Variants in NTN1 observed in about 807,000 individuals in gnomAD.
The protein encoded by NTN1 is netrin 1.
A neutral mutation model predicts 54.2 loss-of-function variants in NTN1; 11 were observed. The observed-to-expected ratio is 0.20, with a 90% CI of 0.13 to 0.34. NTN1 has a LOEUF of 0.34. Among genes scored for constraint, NTN1 ranks in the 10% least tolerant of loss-of-function variants. NTN1 has a pLI of 1.00. For missense variants in NTN1, 740 were observed against 893.1 expected, an observed-to-expected ratio of 0.83 and a Z score of 2.18; for synonymous variants, 371 against 382.0, an observed-to-expected ratio of 0.97 and a Z score of 0.33.
chr17:9,104,411 C>G (rs1050158313), intron 2 of NTN1, among the ~76,000 whole-genome samples: 3 of 152,150 alleles, frequency 2.0e-5, no homozygotes, highest in Admixed American at 2.0e-4. Flanking sequence ...TAGATGATTG[C>G]AGATAATAAC....
At chr17:9,160,548 A>C (rs573758911) in intron 2 of NTN1, among the ~76,000 whole-genome samples, 26 of 152,222 alleles carry the variant, frequency 1.7e-4, no homozygotes, top group Non-Finnish European at 3.2e-4. Context: ...CAACTGAACA[A>C]ATGTTAATGA....
At chr17:9,093,157 T>C (rs2092118694) in intron 2 of NTN1, among the ~76,000 whole-genome samples, 1 of 152,170 alleles carries the variant, frequency 6.6e-6, no homozygotes. Flanking sequence ...CCTCCCAAAG[T>C]GTTGCGATTA....
At chr17:9,056,157 A>G (rs936941650) in intron 2 of NTN1, among the ~76,000 whole-genome samples, 3 of 152,050 alleles carry the variant, frequency 2.0e-5, no homozygotes, top group African/African-American at 7.2e-5. Context: ...CCCGGGTTCA[A>G]GCAATTCTCC....
chr17:9,106,515 TCC>T (rs2092167351), intron 2 of NTN1, among the ~76,000 whole-genome samples: 1 of 83,296 alleles, frequency 1.2e-5, no homozygotes, highest in Non-Finnish European at 2.9e-5. Context: ...CTTCCTTCCT[TCC>T]TTCCTTCCTT....
At chr17:9,023,928 G>C (rs1402005708) in intron 2 of NTN1, among the ~76,000 whole-genome samples, 1 of 152,248 alleles carries the variant, frequency 6.6e-6, no homozygotes, top group Non-Finnish European at 1.5e-5. Flanking sequence ...TTCATGATTT[G>C]AAACTATTTT....
Position 9,241,276 on chromosome 17 carries a change from C to T in NTN1, c.*1308C>T, listed in dbSNP as rs1033331733. 1.3e-5 allele frequency: 2 copies of T among 152,414 alleles called. No homozygotes were observed. Among genetic ancestry groups the T allele is most frequent in the African/African-American group, 4.8e-5 (2 of 41,464 alleles). 9.4% of individuals were successfully genotyped at this position (152,414 alleles called of 1,614,324 possible). On this transcript the variant is annotated 3_prime_UTR_variant, in exon 7 of 7. Coordinates refer to ENST00000173229, the MANE Select transcript of NTN1 (RefSeq NM_004822.3). ...CCCCTACAGCTGTCTTGGGTCTGGC[C>T]TGGGCCACACCTTGACCGTGCCTTT...
intron 3 of NTN1, among the ~76,000 whole-genome samples, chr17:9,166,415 C>T (rs2092373600): frequency 6.8e-6 from 1 of 146,886 alleles, no homozygotes; most frequent in Non-Finnish European, 1.5e-5. Context: ...AATCTCGGCT[C>T]ACTGCAACCT....
At chr17:9,011,640 A>C in the NTN1 span, among the ~76,000 whole-genome samples, 4 of 152,116 alleles carry the variant, frequency 2.6e-5, no homozygotes, top group African/African-American at 9.7e-5. Flanking sequence ...GCCAGGCTGG[A>C]GTGCAGTGGC....
chr17:9,214,136 T>A (rs1215030465), intron 5 of NTN1, among the ~76,000 whole-genome samples: 1 of 152,200 alleles, frequency 6.6e-6, no homozygotes, highest in Non-Finnish European at 1.5e-5. Context: ...TTGCTTTCTT[T>A]GGGTTTTGTT....
intron 6 of NTN1, among the ~76,000 whole-genome samples, chr17:9,226,161 T>TGGGGGGGGGGGGGGG (rs148213778): frequency 1.7e-5 from 2 of 118,072 alleles, no homozygotes; most frequent in South Asian, 3.3e-4. Context: ...GGATTTGGGG[T>TGGGGGGGGGGGGGGG]CGGGGGGGGG....
intron 5 of NTN1, among the ~76,000 whole-genome samples, chr17:9,186,916 C>T (rs1055850156): frequency 5.3e-5 from 8 of 152,022 alleles, no homozygotes; most frequent in African/African-American, 9.6e-5. Flanking sequence ...GCGGCATTAG[C>T]GAGGGGTTGT....
At chr17:9,190,143 CAA>C (rs943204770) in intron 5 of NTN1, among the ~76,000 whole-genome samples, 1 of 152,100 alleles carries the variant, frequency 6.6e-6, no homozygotes, top group African/African-American at 2.4e-5. Flanking sequence ...ATAATGGAAA[CAA>C]AATCTCAACT....
chr17:9,134,201 C>T (rs963883998), intron 2 of NTN1, among the ~76,000 whole-genome samples: 2 of 152,128 alleles, frequency 1.3e-5, no homozygotes, highest in African/African-American at 2.4e-5. Context: ...CCACACCTGG[C>T]CCTCATTGAA....
rs1905134874 is a variant in NTN1, at chr17:9,212,601, C to G, written c.1412-8567C>G. 6.6e-6 allele frequency among the ~76,000 whole-genome samples: 1 copy of G among 152,196 alleles called. No individual in the cohort carries two copies. On this transcript the variant is annotated intron_variant, in intron 5 of 6. Transcript: ENST00000173229. This position sits in a 1 kb window ranked among gnomAD's most constrained non-coding sequence, Gnocchi z 5.5. ...TAGCCCCAGCCTTTCTCCCCTTAAA[C>G]TCTTTCACCCTGGGCCAGGGAGAAC...
chr17:9,156,970 C>A (rs909536579), intron 2 of NTN1, among the ~76,000 whole-genome samples: 1 of 151,354 alleles, frequency 6.6e-6, no homozygotes, highest in African/African-American at 2.4e-5. Flanking sequence ...CCCTCCCTCC[C>A]TCCACCCACC....
intron 2 of NTN1, among the ~76,000 whole-genome samples, chr17:9,121,444 TC>T (rs1316119738): frequency 3.9e-5 from 6 of 152,124 alleles, no homozygotes; most frequent in African/African-American, 9.7e-5. Flanking sequence ...AATGCGTGCT[TC>T]CCCGGTGATT....
At chr17:9,048,286 C>T (rs1040689560) in intron 2 of NTN1, among the ~76,000 whole-genome samples, 4 of 150,600 alleles carry the variant, frequency 2.7e-5, no homozygotes, top group African/African-American at 9.8e-5. Context: ...GATGCATTGT[C>T]AATGAGCAGT....
intron 5 of NTN1, among the ~76,000 whole-genome samples, chr17:9,190,995 TAAC>T (rs1027581827): frequency 2.3e-4 from 35 of 152,188 alleles, no homozygotes; most frequent in African/African-American, 8.2e-4. Context: ...TTTAAAATAA[TAAC>T]AAAATATGCT....
chr17:9,164,726 A>G (rs930836397), intron 3 of NTN1, among the ~76,000 whole-genome samples: 9 of 152,138 alleles, frequency 5.9e-5, no homozygotes, highest in Non-Finnish European at 1.0e-4. Flanking sequence ...GTGTCTGCGG[A>G]CTTACGGCTG....
Sources: gnomAD v4.1 joint callset for allele counts (sites outside exome capture counted in the v4.1 genomes callset) on GRCh38, gnomAD v4.1.1 for gene constraint, Gnocchi (gnomAD v3.1) non-coding constraint, MANE v1.5 for transcripts, NCBI Gene and HGNC (gene_info 2026-07-23, HGNC 2026-07-21) for gene names.